The following RXFP2 variants were observed in gnomAD, a reference collection of about 807,000 sequenced individuals.
RXFP2 encodes relaxin receptor 2.
RXFP2 carries 68 observed loss-of-function variants against 88.6 expected under a neutral mutation model. The observed-to-expected ratio is 0.77, with a 90% confidence interval of 0.63 to 0.94. The LOEUF (loss-of-function observed/expected upper bound fraction) is 0.94, where lower values mean the gene tolerates loss of function less well. Ranked by LOEUF, RXFP2 falls within the 40% of genes least tolerant of loss-of-function variation. RXFP2 has a pLI of 0.00. For synonymous variants in RXFP2, 329 were observed against 306.8 expected (o/e 1.07, Z -0.76); for missense variants, 791 against 893.9 (o/e 0.88, Z 1.47).
intron 14 of RXFP2, among the ~76,000 whole-genome samples, chr13:31,789,781 C>T (rs1873712316): frequency 6.6e-6 from 1 of 152,084 alleles, no homozygotes; most frequent in South Asian, 2.1e-4. Flanking sequence ...TTGTTATCTA[C>T]AAAAATAGGG....
At chr13:31,799,679 A>G (rs774442735) in intron 17 of RXFP2, among the ~76,000 whole-genome samples, 4 of 152,100 alleles carry the variant, frequency 2.6e-5, no homozygotes, top group African/African-American at 4.8e-5. Flanking sequence ...CCTCACCTCA[A>G]TGAGACTACC....
At chr13:31,744,030 G>A (rs549570147) in intron 1 of RXFP2, among the ~76,000 whole-genome samples, 6 of 152,108 alleles carry the variant, frequency 3.9e-5, no homozygotes, top group African/African-American at 1.4e-4. Context: ...CCTCCCCAGG[G>A]GCTTCCTGGA....
At position 31,741,356 on chromosome 13, in the gene RXFP2, T is replaced by C. The variant is rs77421856; in HGVS notation, c.94+1650T>C. ...TTAAACCTTTATGTTTAAAATGATT[T>C]CTTTTCAAAGCAAGACACATTAATC... On this transcript the variant is annotated intron_variant, in intron 1 of 17. Transcript: ENST00000298386. Among the ~76,000 whole-genome samples the C allele has an allele frequency of 5.9e-4, 90 of 152,194 alleles. 2 individuals carry two copies. The East Asian group carries it at 0.017, about 29-fold the overall frequency.
intron 13 of RXFP2, among the ~76,000 whole-genome samples, chr13:31,788,179 G>C: frequency 6.6e-6 from 1 of 151,326 alleles, no homozygotes; most frequent in East Asian, 1.9e-4. Flanking sequence ...AAAGGGCTTA[G>C]AGTCTCCTGC....
At chr13:31,756,875 C>T (rs1277832979) in intron 1 of RXFP2, among the ~76,000 whole-genome samples, 1 of 152,046 alleles carries the variant, frequency 6.6e-6, no homozygotes. Context: ...CCCACCTCGG[C>T]CTCAAAGTGC....
chr13:31,792,257 G>T (rs1873832772), intron 15 of RXFP2, among the ~76,000 whole-genome samples: 1 of 152,058 alleles, frequency 6.6e-6, no homozygotes, highest in Non-Finnish European at 1.5e-5. Flanking sequence ...CTTGGGAATG[G>T]GCTAATAGGC....
At chr13:31,789,403 G>A (rs545037790) in intron 14 of RXFP2, among the ~76,000 whole-genome samples, 2 of 152,228 alleles carry the variant, frequency 1.3e-5, no homozygotes, top group South Asian at 2.1e-4. Flanking sequence ...CTGGAAACAC[G>A]CTGTTTATCC....
At chr13:31,787,813 T>C (rs1453027336) in intron 13 of RXFP2, among the ~76,000 whole-genome samples, 1 of 152,190 alleles carries the variant, frequency 6.6e-6, no homozygotes, top group Non-Finnish European at 1.5e-5. Flanking sequence ...CTACTTTTTT[T>C]GTATTTTAGT....
At chr13:31,765,198 G>T (rs1272368399) in intron 4 of RXFP2, 56 bp downstream of exon 4, 52 of 1,082,428 alleles carry the variant, frequency 4.8e-5, no homozygotes, top group Middle Eastern at 2.0e-4. Flanking sequence ...TGAAAACCAA[G>T]AAAAAACCCA....
chr13:31,749,020 C>A (rs558635456), intron 1 of RXFP2, among the ~76,000 whole-genome samples: 7 of 152,088 alleles, frequency 4.6e-5, no homozygotes, highest in African/African-American at 1.7e-4. Context: ...CAAGGACGTT[C>A]TTAATTTGTA....
At position 31,778,507 on chromosome 13, in the gene RXFP2, TA is replaced by T; in HGVS notation, c.714-2del. The T allele has an allele frequency of 6.3e-7, 1 of 1,590,780 alleles. No homozygotes were observed. Among genetic ancestry groups the T allele is most frequent in the Non-Finnish European group, 8.6e-7 (1 of 1,158,958 alleles). On this transcript the variant is annotated splice_region_variant and splice_polypyrimidine_tract_variant and intron_variant, in intron 8 of 17. Transcript: ENST00000298386. Reference sequence around the variant, plus strand: ...ATTTCTAATTAACATTTTCTTTGTGTAAAGGTCTATGGTTAATAACTACTTA... The same window carrying T: ...ATTTCTAATTAACATTTTCTTTGTGTAAGGTCTATGGTTAATAACTACTTA...
At chr13:31,798,982 C>A (rs1337896026) in intron 17 of RXFP2, among the ~76,000 whole-genome samples, 2 of 152,172 alleles carry the variant, frequency 1.3e-5, no homozygotes, top group African/African-American at 4.8e-5. Flanking sequence ...GGTTTATTGG[C>A]CTCATGTGAA....
At chr13:31,752,564 A>G (rs1593447239) in intron 1 of RXFP2, among the ~76,000 whole-genome samples, 1 of 152,120 alleles carries the variant, frequency 6.6e-6, no homozygotes, top group Non-Finnish European at 1.5e-5. Context: ...CAACAACAAC[A>G]ACAACCACCA....
chr13:31,799,059 C>T (rs147248433), intron 17 of RXFP2, among the ~76,000 whole-genome samples: 3 of 152,000 alleles, frequency 2.0e-5, no homozygotes, highest in Non-Finnish European at 4.4e-5. Flanking sequence ...CTTGGGGAGG[C>T]GTGTATGTCT....
intron 1 of RXFP2, among the ~76,000 whole-genome samples, chr13:31,757,085 A>C (rs908204492): frequency 6.6e-6 from 1 of 152,152 alleles, no homozygotes; most frequent in Non-Finnish European, 1.5e-5. Flanking sequence ...TACTTTTGTA[A>C]ATGTCGATTA....
chr13:31,747,699 T>C (rs1871484805), intron 1 of RXFP2, among the ~76,000 whole-genome samples: 1 of 152,216 alleles, frequency 6.6e-6, no homozygotes, highest in African/African-American at 2.4e-5. Context: ...ATAAATTCCA[T>C]TACTTTTAAT....
intron 1 of RXFP2, among the ~76,000 whole-genome samples, chr13:31,755,141 G>T (rs1871879704): frequency 6.6e-6 from 1 of 152,162 alleles, no homozygotes; most frequent in Non-Finnish European, 1.5e-5. Flanking sequence ...CTTACCTGAG[G>T]TCACACAGCT....
At chr13:31,748,752 C>T (rs544194346) in intron 1 of RXFP2, among the ~76,000 whole-genome samples, 1 of 152,178 alleles carries the variant, frequency 6.6e-6, no homozygotes, top group African/African-American at 2.4e-5. Context: ...TTTGGGAGGC[C>T]GAGGCGGGCA....
chr13:31,770,427 A>T (rs1364617735), intron 5 of RXFP2, among the ~76,000 whole-genome samples: 1 of 152,182 alleles, frequency 6.6e-6, no homozygotes, highest in African/African-American at 2.4e-5. Context: ...TTTCCAAACC[A>T]GAGGGCTTTA....
Sources: allele counts gnomAD v4.1 joint callset (sites outside exome capture counted in the v4.1 genomes callset), GRCh38; gene constraint gnomAD v4.1.1; transcripts MANE v1.5; gene names NCBI Gene and HGNC (gene_info 2026-07-23, HGNC 2026-07-21).